ACSS3: variants seen among roughly 807,000 people sequenced by gnomAD.
The protein encoded by ACSS3 is acyl-CoA synthetase short-chain family member 3, mitochondrial.
A neutral mutation model predicts 84.2 loss-of-function variants in ACSS3; 64 were observed. The ratio of observed to expected loss-of-function variants is 0.76; its 90% CI spans 0.62 to 0.94. The LOEUF (loss-of-function observed/expected upper bound fraction) is 0.94, where lower values mean the gene tolerates loss of function less well. Among genes scored for constraint, ACSS3 ranks in the 40% least tolerant of loss-of-function variants. ACSS3 has a pLI of 0.00. For synonymous variants in ACSS3, 317 were observed against 310.1 expected (o/e 1.02, Z -0.23); for missense variants, 815 against 867.6 (o/e 0.94, Z 0.76).
chr12:81,250,466 C>T (rs982049252), intron 13 of ACSS3, among the ~76,000 whole-genome samples: 8 of 151,988 alleles, frequency 5.3e-5, no homozygotes, highest in East Asian at 1.9e-4. Context: ...ATATTTCTTC[C>T]GATTTTAAAA....
At chr12:81,232,563 T>C (rs932075849) in intron 12 of ACSS3, among the ~76,000 whole-genome samples, 1 of 151,694 alleles carries the variant, frequency 6.6e-6, no homozygotes, top group African/African-American at 2.4e-5. Context: ...GAGCTCAGGA[T>C]GTGCCAGAGT....
intron 2 of ACSS3, among the ~76,000 whole-genome samples, chr12:81,115,839 A>G: frequency 6.6e-6 from 1 of 152,164 alleles, no homozygotes; most frequent in East Asian, 1.9e-4. Context: ...TGTTTAAAAA[A>G]TAATTAATGT....
chr12:81,199,349 C>T lies in ACSS3; in HGVS notation c.1259C>T (p.Thr420Ile), dbSNP rs1205588965. 4 of 1,611,752 alleles carry T rather than the reference C, an allele frequency of 2.5e-6. No homozygotes were observed. Among genetic ancestry groups the T allele is most frequent in the Non-Finnish European group, 3.4e-6 (4 of 1,179,212 alleles). ...GKQYSLTRFK[T>I]LFVAGERCDV... is the part of the protein sequence containing the mutation. ...CACTGTCTCATATTCAGGTTCAAAA[C>T]ATTATTTGTGGCTGGAGAACGATGT... Residue 420 changes from threonine (T) to isoleucine (I), a missense_variant, in exon 9 of 16, where the codon ACA (threonine) becomes ATA (isoleucine). Physicochemically the swap from Thr to Ile is moderately conservative, Grantham distance 89 (BLOSUM62 -1). Transcript: ENST00000548058.
chr12:81,127,767 A>C (rs1441859738), intron 2 of ACSS3, among the ~76,000 whole-genome samples: 1 of 152,112 alleles, frequency 6.6e-6, no homozygotes, highest in Non-Finnish European at 1.5e-5. Flanking sequence ...TTTTTACTAC[A>C]ATTTGGAAAC....
chr12:81,175,061 T>C (rs2030374368), intron 8 of ACSS3, 122 bp downstream of exon 8: 2 of 1,050,874 alleles, frequency 1.9e-6, no homozygotes, highest in African/African-American at 1.6e-5. Context: ...TTCAGAGTGT[T>C]ATTAAGAACA....
chr12:81,125,238 A>G (rs1344991706), intron 2 of ACSS3, among the ~76,000 whole-genome samples: 4 of 152,124 alleles, frequency 2.6e-5, no homozygotes, highest in African/African-American at 4.8e-5. Flanking sequence ...AAACAAAACA[A>G]AAAAAATACA....
chr12:81,119,323 C>CA (rs1203974797), intron 2 of ACSS3, among the ~76,000 whole-genome samples: 2 of 152,104 alleles, frequency 1.3e-5, no homozygotes, highest in Non-Finnish European at 2.9e-5. Flanking sequence ...AGGGCAAAAT[C>CA]AAAAACTCCT....
intron 13 of ACSS3, among the ~76,000 whole-genome samples, chr12:81,238,201 G>A (rs1317492811): frequency 6.6e-6 from 1 of 151,630 alleles, no homozygotes; most frequent in Non-Finnish European, 1.5e-5. Context: ...TATACCTGGG[G>A]TAAATTCCAC....
intron 8 of ACSS3, among the ~76,000 whole-genome samples, chr12:81,192,259 T>C (rs2135875848): frequency 6.6e-6 from 1 of 152,196 alleles, no homozygotes; most frequent in African/African-American, 2.4e-5. Flanking sequence ...CGGGTGCCTG[T>C]AATCCCAGCT....
intron 1 of ACSS3, among the ~76,000 whole-genome samples, chr12:81,108,532 C>T (rs1379749167): frequency 6.6e-6 from 1 of 152,088 alleles, no homozygotes; most frequent in Non-Finnish European, 1.5e-5. Context: ...CCACCTCAGC[C>T]TCCCAAAGTG....
chr12:81,100,578 G>A (rs181181797), intron 1 of ACSS3, among the ~76,000 whole-genome samples: 6 of 152,274 alleles, frequency 3.9e-5, no homozygotes, highest in East Asian at 1.9e-4. Flanking sequence ...TGAATTTGCC[G>A]AAACTGATAG....
Position 81,220,058 on chromosome 12 carries a change from T to C in ACSS3, c.1496T>C (p.Leu499Ser). ...DNMQKLKARC[L>S]GNIVVKLPLP... ...ATGCAAAAACTGAAGGCTCGGTGTT[T>C]AGGAAATATTGTGGTAAAGTAAGCA... The change falls in exon 11 of 16, where the codon TTA (leucine) becomes TCA (serine). Residue 499 changes from leucine to serine, a missense_variant. Transcript: ENST00000548058. The C allele has an allele frequency of 1.3e-6, 2 of 1,544,250 alleles. No homozygotes were observed. Among genetic ancestry groups the C allele is most frequent in the Non-Finnish European group, 1.7e-6 (2 of 1,144,428 alleles).
At chr12:81,181,747 C>CAAAAAAAAAAAAAAAAAAAAAAAA (rs59878486) in intron 8 of ACSS3, among the ~76,000 whole-genome samples, 3 of 47,918 alleles carry the variant, frequency 6.3e-5, no homozygotes, top group South Asian at 1.1e-3. Flanking sequence ...ATCAATTAAG[C>CAAAAAAAAAAAAAAAAAAAAAAAA]AAAAAAAAAA....
chr12:81,176,042 T>G (rs967516823), intron 8 of ACSS3, among the ~76,000 whole-genome samples: 2 of 151,908 alleles, frequency 1.3e-5, no homozygotes, highest in Non-Finnish European at 2.9e-5. Context: ...AAAAACCATA[T>G]GAAAGATCAA....
rs369688411 is a variant in ACSS3 at position 81,078,240 on chromosome 12, G to C, written c.120G>C (p.Pro40=). The change falls in exon 1 of 16, where the codon CCG becomes CCC. Residue 40 remains proline (P), a synonymous_variant. Coordinates refer to ENST00000548058, the MANE Select transcript of ACSS3 (RefSeq NM_024560.4). ...AGAALRALVV[P]GPRGGLGGRG... ...CGGCCCTCAGGGCTTTAGTGGTCCC[G>C]GGCCCGCGGGGCGGTCTCGGGGGCC... The C allele has an allele frequency of 3.1e-6, 5 of 1,604,672 alleles. No individual in the cohort carries two copies. In the Admixed American group the frequency reaches 8.4e-5, roughly 27 times the overall value.
chr12:81,235,203 T>C (rs1302494789), intron 13 of ACSS3, among the ~76,000 whole-genome samples: 1 of 151,402 alleles, frequency 6.6e-6, no homozygotes, highest in Admixed American at 6.6e-5. Context: ...GAATTGCCAT[T>C]GCAACTTTGT....
chr12:81,178,852 A>C (rs558792684), intron 8 of ACSS3, among the ~76,000 whole-genome samples: 1 of 152,344 alleles, frequency 6.6e-6, no homozygotes, highest in East Asian at 1.9e-4. Flanking sequence ...ATTTGAAACA[A>C]AAAGAACGAA....
chr12:81,223,784 C>G (rs1380478218), intron 11 of ACSS3, among the ~76,000 whole-genome samples: 2 of 151,920 alleles, frequency 1.3e-5, no homozygotes, highest in Non-Finnish European at 2.9e-5. Context: ...GGGATTTAAC[C>G]CAGATCTCTC....
intron 1 of ACSS3, among the ~76,000 whole-genome samples, chr12:81,084,764 G>T (rs1023508316): frequency 2.0e-5 from 3 of 152,180 alleles, no homozygotes; most frequent in African/African-American, 7.2e-5. Flanking sequence ...GGAGAGAAAA[G>T]ATAAAAATAG....
Sources: gnomAD v4.1 joint callset for allele counts (sites outside exome capture counted in the v4.1 genomes callset) on GRCh38, gnomAD v4.1.1 for gene constraint, MANE v1.5 for transcripts, NCBI Gene and HGNC (gene_info 2026-07-23, HGNC 2026-07-21) for gene names.